RNF38: variants seen among roughly 807,000 people sequenced by gnomAD.
RNF38 encodes E3 ubiquitin-protein ligase RNF38.
Under a neutral mutation model 67.2 loss-of-function variants are expected in RNF38, and 15 were observed. That is an observed-to-expected ratio of 0.22 (90% CI 0.15 to 0.34). The LOEUF is 0.34. Among genes scored for constraint, RNF38 ranks in the 10% least tolerant of loss-of-function variants. The pLI, the probability that RNF38 is intolerant of heterozygous loss-of-function variation, is 1.00. For synonymous variants in RNF38, 220 were observed against 218.8 expected (o/e 1.01, Z -0.05); for missense variants, 524 against 639.9 (o/e 0.82, Z 1.95).
At chr9:36,443,217 A>G (rs1839233361) in intron 1 of RNF38, among the ~76,000 whole-genome samples, 1 of 152,220 alleles carries the variant, frequency 6.6e-6, no homozygotes, top group Admixed American at 6.5e-5. Context: ...CCGCAGGCAT[A>G]GTGATGGCAA....
chr9:36,430,131 C>G (rs1237135797), intron 1 of RNF38, among the ~76,000 whole-genome samples: 1 of 152,152 alleles, frequency 6.6e-6, no homozygotes, highest in Non-Finnish European at 1.5e-5. Flanking sequence ...AGGATGGTCA[C>G]TGAAATTCCA....
chr9:36,454,713 G>C (rs528706850), intron 1 of RNF38, among the ~76,000 whole-genome samples: 1 of 150,782 alleles, frequency 6.6e-6, no homozygotes, highest in East Asian at 2.0e-4. Flanking sequence ...CTGCTTAGTA[G>C]CTGGGATTAC....
At chr9:36,479,211 C>T (rs1416682939) in intron 1 of RNF38, among the ~76,000 whole-genome samples, 2 of 152,206 alleles carry the variant, frequency 1.3e-5, no homozygotes, top group South Asian at 2.1e-4. Flanking sequence ...GCCCCCACTA[C>T]TTGGTTGTGC....
At chr9:36,419,732 A>T (rs1421678075) in intron 2 of RNF38, among the ~76,000 whole-genome samples, 1 of 152,104 alleles carries the variant, frequency 6.6e-6, no homozygotes, top group African/African-American at 2.4e-5. Flanking sequence ...CTGAGGTGGG[A>T]GAATCCCTTG....
chr9:36,441,074 C>G (rs1025517844), intron 1 of RNF38, among the ~76,000 whole-genome samples: 2 of 151,886 alleles, frequency 1.3e-5, no homozygotes, highest in African/African-American at 4.8e-5. Context: ...GTGGGAGAGT[C>G]GGGTCCTGGG....
intron 8 of RNF38, among the ~76,000 whole-genome samples, chr9:36,352,191 T>C (rs1833743231): frequency 2.6e-5 from 4 of 151,934 alleles, no homozygotes; most frequent in African/African-American, 4.8e-5. Context: ...TCCCAGCTAC[T>C]TGGGAGGCCG....
intron 1 of RNF38, among the ~76,000 whole-genome samples, chr9:36,434,870 A>T (rs1208428088): frequency 6.6e-6 from 1 of 152,248 alleles, no homozygotes; most frequent in Non-Finnish European, 1.5e-5. Context: ...CCAAGTGGAA[A>T]GAATAGTGCC....
chr9:36,353,076 A>G, intron 7 of RNF38, 94 bp downstream of exon 7: 4 of 1,139,204 alleles, frequency 3.5e-6, no homozygotes, highest in Non-Finnish European at 5.2e-6. Context: ...GAGAATACAT[A>G]TAATTCTAAA....
intron 1 of RNF38, among the ~76,000 whole-genome samples, chr9:36,458,453 C>T (rs1839644475): frequency 1.3e-5 from 2 of 152,206 alleles, no homozygotes; most frequent in Non-Finnish European, 2.9e-5. Flanking sequence ...GCTGCTCACT[C>T]TTTGGGTCTG....
intron 4 of RNF38, among the ~76,000 whole-genome samples, chr9:36,360,220 G>A (rs890815254): frequency 6.6e-6 from 1 of 151,954 alleles, no homozygotes; most frequent in Non-Finnish European, 1.5e-5. Context: ...TATTAAATTT[G>A]TTCCTCAAAC....
At chr9:36,351,005 T>C (rs549162212) in intron 9 of RNF38, 110 bp downstream of exon 9, 4 of 716,994 alleles carry the variant, frequency 5.6e-6, no homozygotes, top group South Asian at 3.2e-5. Context: ...CTTCTTCCAA[T>C]GTGGCCCAGG....
chr9:36,424,960 G>A (rs1450496296), intron 1 of RNF38, among the ~76,000 whole-genome samples: 1 of 152,128 alleles, frequency 6.6e-6, no homozygotes, highest in Non-Finnish European at 1.5e-5. Flanking sequence ...CGAGTAGTCT[G>A]CTTTCAAAGT....
At position 36,388,292 on chromosome 9, in the gene RNF38, T is replaced by C. The variant is rs779039194; in HGVS notation, c.162+2175A>G. The stretch of plus-strand genomic sequence containing the variant: ...TCTGCTTTACATTTTCTAAATTGCA[T>C]ATATGAAATATTTCACAAATATTAT... On this transcript the variant is annotated intron_variant, in intron 2 of 11. Coordinates refer to ENST00000259605, the MANE Select transcript of RNF38 (RefSeq NM_022781.5). Among the ~76,000 whole-genome samples the C allele has an allele frequency of 4.3e-4, 65 of 152,106 alleles. 1 individual carries two copies. The highest frequency in any genetic ancestry group is 3.1e-4 in the Non-Finnish European group (21 of 68,022).
chr9:36,419,058 A>G (rs940845037), intron 2 of RNF38, among the ~76,000 whole-genome samples: 8 of 152,228 alleles, frequency 5.3e-5, no homozygotes, highest in East Asian at 1.9e-4. Context: ...GCAAAAATCT[A>G]AAAATCCAAA....
intron 2 of RNF38, among the ~76,000 whole-genome samples, chr9:36,382,910 A>C (rs997137744): frequency 1.3e-5 from 2 of 150,854 alleles, no homozygotes; most frequent in African/African-American, 4.8e-5. Context: ...AAGGAAAAAC[A>C]GTTAAATGCA....
chr9:36,357,791 C>G lies in RNF38; in HGVS notation c.722G>C (p.Cys241Ser). ...GAGACTTACTGGAGGAGGCACACTA[C>G]AGACAGGGAGGTGCTGTCCACTGAA... is the stretch of plus-strand genomic sequence containing the variant. ...VVFSGQHLPV[C>S]SVPPPMLQAC... Residue 241 changes from cysteine to serine, a missense_variant, in exon 5 of 12, where the codon TGT (cysteine) becomes TCT (serine). Physicochemically the swap from Cys to Ser is moderately radical, Grantham distance 112. Coordinates refer to ENST00000259605, the MANE Select transcript of RNF38 (RefSeq NM_022781.5). The G allele has an allele frequency of 6.2e-7, 1 of 1,613,552 alleles. No homozygotes were observed.
chr9:36,446,810 GAAAAAAAAAAA>G lies in RNF38; in HGVS notation n.242-22138_242-22128del, dbSNP rs60691553. On this transcript the variant is annotated intron_variant and non_coding_transcript_variant, in intron 1 of 3. Coordinates refer to the RNF38 transcript ENST00000488058. ...GCGACAGAGTGAGACTCCGCCTCAA[GAAAAAAAAAAA>G]AAAAAAAAAAAAAAAAAAGTCAGGC... is the stretch of plus-strand genomic sequence containing the variant. 2.8e-3 allele frequency among the ~76,000 whole-genome samples: 78 copies of G among 28,214 alleles called. 1 individual carries two copies. Among genetic ancestry groups the G allele is most frequent in the Middle Eastern group, 0.026 (1 of 38 alleles). The allele number at this position is 28,214 out of a possible 152,430, so 18.5% of individuals were successfully genotyped here. A position where few individuals can be genotyped will look rare whatever the true frequency, so the allele number is the denominator to read the frequency against.
intron 1 of RNF38, among the ~76,000 whole-genome samples, chr9:36,454,131 T>C (rs565944598): frequency 6.6e-6 from 1 of 151,980 alleles, no homozygotes; most frequent in South Asian, 2.1e-4. Context: ...TTTCATACTT[T>C]TTTTTTTTTT....
intron 11 of RNF38, among the ~76,000 whole-genome samples, chr9:36,341,681 G>T (rs1029666050): frequency 6.6e-6 from 1 of 151,844 alleles, no homozygotes; most frequent in South Asian, 2.1e-4. Flanking sequence ...AGACCAGTCT[G>T]GGCAACATAG....
Sources: allele counts gnomAD v4.1 joint callset (sites outside exome capture counted in the v4.1 genomes callset), GRCh38; gene constraint gnomAD v4.1.1; transcripts MANE v1.5; gene names NCBI Gene and HGNC (gene_info 2026-07-23, HGNC 2026-07-21).